DNAJB14: variants seen among roughly 807,000 people sequenced by gnomAD.
The protein encoded by DNAJB14 is DnaJ heat shock protein family (Hsp40) member B14, also known as dnaJ homolog subfamily B member 14.
DNAJB14 carries 22 observed loss-of-function variants against 48.4 expected under a neutral mutation model. That is an observed-to-expected ratio of 0.45 (90% CI 0.32 to 0.65). The LOEUF is 0.65. Among genes scored for constraint, DNAJB14 ranks in the 30% least tolerant of loss-of-function variants. The probability of loss-of-function intolerance (pLI) is 0.03; values close to 1 mark genes in which losing one functional copy is unlikely to be tolerated. For synonymous variants in DNAJB14, 142 were observed against 158.7 expected, an observed-to-expected ratio of 0.89 and a Z score of 0.79; for missense variants, 319 against 458.8, an observed-to-expected ratio of 0.70 and a Z score of 2.78.
chr4:99,920,080 AT>A (rs1258026092), intron 3 of DNAJB14, among the ~76,000 whole-genome samples: 1 of 152,092 alleles, frequency 6.6e-6, no homozygotes, highest in Non-Finnish European at 1.5e-5. Flanking sequence ...CAATTTTTTT[AT>A]TTTTGAAATA....
chr4:99,922,195 C>T (rs1173628907), intron 3 of DNAJB14, among the ~76,000 whole-genome samples: 1 of 152,140 alleles, frequency 6.6e-6, no homozygotes, highest in Non-Finnish European at 1.5e-5. Context: ...AGAAATAAAA[C>T]TGTTTTGGAA....
chr4:99,937,082 C>T (rs1210889974), intron 1 of DNAJB14, among the ~76,000 whole-genome samples: 1 of 152,136 alleles, frequency 6.6e-6, no homozygotes, highest in Middle Eastern at 3.4e-3. Flanking sequence ...TTTGGGAGGC[C>T]GAGGCGGGCG....
chr4:99,901,133 T>A lies in DNAJB14; in HGVS notation c.1035A>T (p.Ala345=). The A allele has an allele frequency of 6.2e-7, 1 of 1,605,612 alleles. No individual in the cohort carries two copies. The highest frequency in any genetic ancestry group is 8.5e-7 in the Non-Finnish European group (1 of 1,177,698). ...GTCGATCATCACGGTATACTTTTGC[T>A]GCATACTGCATATCTGTTTCTGTTA... ...ERQQKTDMQY[A]AKVYRDDRLR... Residue 345 remains alanine, a synonymous_variant, in exon 8 of 8, where the codon GCA becomes GCT. Transcript: ENST00000442697.
intron 5 of DNAJB14, 113 bp downstream of exon 5, chr4:99,906,404 T>C: frequency 1.8e-6 from 2 of 1,094,548 alleles, no homozygotes; most frequent in South Asian, 3.0e-5. Context: ...CAAACACCTC[T>C]AGTAAGAGAA....
intron 3 of DNAJB14, among the ~76,000 whole-genome samples, chr4:99,916,549 T>C (rs2110203039): frequency 6.6e-6 from 1 of 152,348 alleles, no homozygotes; most frequent in Non-Finnish European, 1.5e-5. Context: ...TGCCATTTTA[T>C]TTTTTATTTT....
At chr4:99,946,304 C>G in intron 1 of DNAJB14, 135 bp downstream of exon 1, 1 of 1,376,950 alleles carries the variant, frequency 7.3e-7, no homozygotes, top group Non-Finnish European at 9.9e-7. Context: ...TGCTCCCCAC[C>G]GGGCCTGGGG....
intron 3 of DNAJB14, among the ~76,000 whole-genome samples, chr4:99,916,756 A>G (rs1183025828): frequency 6.6e-6 from 1 of 152,094 alleles, no homozygotes; most frequent in African/African-American, 2.4e-5. Context: ...ATAATTTATA[A>G]CCCTCTGGTG....
At chr4:99,940,345 C>A (rs998973725) in intron 1 of DNAJB14, among the ~76,000 whole-genome samples, 1 of 152,162 alleles carries the variant, frequency 6.6e-6, no homozygotes, top group Admixed American at 6.5e-5. Flanking sequence ...GTAATCCCAG[C>A]ACTTTGGGAG....
intron 3 of DNAJB14, among the ~76,000 whole-genome samples, chr4:99,913,481 A>T (rs1345358360): frequency 6.6e-6 from 1 of 152,128 alleles, no homozygotes; most frequent in African/African-American, 2.4e-5. Flanking sequence ...ACACTTATTG[A>T]TCTTCAAATA....
At chr4:99,908,060 C>T (rs1725528550) in intron 4 of DNAJB14, among the ~76,000 whole-genome samples, 1 of 152,146 alleles carries the variant, frequency 6.6e-6, no homozygotes, top group African/African-American at 2.4e-5. Flanking sequence ...CTTACAGTCA[C>T]AGTTTCCAAA....
At chr4:99,905,476 TG>T in intron 6 of DNAJB14, 120 bp downstream of exon 6, 1 of 619,448 alleles carries the variant, frequency 1.6e-6, no homozygotes, top group East Asian at 2.7e-5. Flanking sequence ...ATTTAAAATC[TG>T]GTACACTTGC....
intron 1 of DNAJB14, among the ~76,000 whole-genome samples, chr4:99,934,478 A>AAT (rs1726594585): frequency 2.0e-5 from 3 of 152,200 alleles, no homozygotes; most frequent in Admixed American, 2.0e-4. Flanking sequence ...ATAAAAGAAC[A>AAT]ATATATATCA....
chr4:99,934,034 C>T (rs1023218731), intron 1 of DNAJB14, among the ~76,000 whole-genome samples: 1 of 152,074 alleles, frequency 6.6e-6, no homozygotes, highest in Non-Finnish European at 1.5e-5. Flanking sequence ...GCTTTAAAGG[C>T]ATGGAAGACT....
rs766223166 is a variant in DNAJB14 at position 99,930,553 on chromosome 4, C to G, written c.202G>C (p.Gly68Arg). 3 of 1,612,896 alleles carry G rather than the reference C, an allele frequency of 1.9e-6. No individual in the cohort carries two copies. The highest frequency in any genetic ancestry group is 1.1e-5 in the South Asian group (1 of 90,802). ...GNSPHCRKPS[G>R]SGDQSKPNCT... ...TTAGGCTTGCTTTGATCGCCACTAC[C>G]TGATGGTTTTCGGCAATGAGGGCTA... The change falls in exon 2 of 8, where the codon GGT becomes CGT. Residue 68 changes from glycine (G) to arginine (R), a missense_variant. Gly to Arg is a moderately radical substitution (Grantham distance 125). Around this residue, in one of 3 missense-constraint regions of DNAJB14, gnomAD observed 116 missense variants for 134.6 expected, o/e 0.86. Transcript: ENST00000442697.
chr4:99,909,116 C>G (rs971002617), intron 3 of DNAJB14, among the ~76,000 whole-genome samples: 11 of 152,036 alleles, frequency 7.2e-5, no homozygotes, highest in African/African-American at 2.7e-4. Context: ...GCCTTGAAAA[C>G]AAAGGAATAT....
chr4:99,923,208 T>C (rs2110208761), intron 2 of DNAJB14, 23 bp from the exon 3 acceptor site: 2 of 1,577,968 alleles, frequency 1.3e-6, no homozygotes, highest in Non-Finnish European at 1.7e-6. Flanking sequence ...GAGTGTGTTA[T>C]AATGTAAATT....
At chr4:99,903,608 C>T in intron 7 of DNAJB14, 118 bp downstream of exon 7, 1 of 1,069,344 alleles carries the variant, frequency 9.4e-7, no homozygotes, top group Non-Finnish European at 1.3e-6. Context: ...CATTTAAGTA[C>T]TGTGCTCCAA....
At chr4:99,939,728 A>G (rs775853673) in intron 1 of DNAJB14, among the ~76,000 whole-genome samples, 5 of 152,254 alleles carry the variant, frequency 3.3e-5, no homozygotes, top group Middle Eastern at 3.2e-3. Context: ...CTCAAAATCT[A>G]GCTTAATCAT....
At position 99,900,603 on chromosome 4, in the gene DNAJB14, A is replaced by C. The variant is rs1242622759; in HGVS notation, c.*425T>G. On this transcript the variant is annotated 3_prime_UTR_variant, in exon 8 of 8. Coordinates refer to ENST00000442697, the MANE Select transcript of DNAJB14 (RefSeq NM_001031723.4). ...AAATGTGTCATATAACATTTATTCC[A>C]TCAATTTAAACTGAAGTGTCTCATG... 1 of 153,228 alleles carries C rather than the reference A, an allele frequency of 6.5e-6. No homozygotes were observed. The highest frequency in any genetic ancestry group is 6.5e-5 in the Admixed American group (1 of 15,280). The allele number at this position is 153,228 out of a possible 1,614,324, so 9.5% of individuals were successfully genotyped here.
Sources: allele counts gnomAD v4.1 joint callset (sites outside exome capture counted in the v4.1 genomes callset), GRCh38; gene constraint gnomAD v4.1.1; regional missense constraint gnomAD v4.1.1; transcripts MANE v1.5; gene names NCBI Gene and HGNC (gene_info 2026-07-23, HGNC 2026-07-21).